Variants in PUDP observed in about 807,000 individuals in gnomAD.
The protein encoded by PUDP is pseudouridine 5'-phosphatase, also known as pseudouridine-5'-phosphatase.
Under a neutral mutation model 9.4 loss-of-function variants are expected in PUDP, and 8 were observed. The ratio of observed to expected loss-of-function variants is 0.85; its 90% confidence interval spans 0.50 to 1.53. The LOEUF (loss-of-function observed/expected upper bound fraction) is 1.53, where lower values mean the gene tolerates loss of function less well. Among genes scored for constraint, PUDP ranks in the 40% most tolerant of loss-of-function variants. PUDP has a pLI of 0.00. For synonymous variants in PUDP, 99 were observed against 80.7 expected (o/e 1.23, Z -1.22); for missense variants, 188 against 189.7 (o/e 0.99, Z 0.05).
At chrX:6,919,842 G>T in intron 3 of PUDP, among the ~76,000 whole-genome samples, 1 of 56,249 alleles carries the variant, frequency 1.8e-5, no homozygotes, top group East Asian at 6.5e-4. Context: ...CTGGGTGACA[G>T]AGCAAGACTC....
At chrX:6,852,842 G>A (rs752215373) in intron 3 of PUDP, among the ~76,000 whole-genome samples, 3 of 111,430 alleles carry the variant, frequency 2.7e-5, no homozygotes, top group Non-Finnish European at 3.8e-5. Context: ...TGAGGAGCAT[G>A]GATACAAAGG....
chrX:7,114,845 TATG>T (rs1932153507), intron 1 of PUDP, among the ~76,000 whole-genome samples: 1 of 112,731 alleles, frequency 8.9e-6, no homozygotes, highest in African/African-American at 3.2e-5. Flanking sequence ...ATAAACAATC[TATG>T]ATGATATTCA....
At chrX:6,736,101 C>T (rs761589103) in intron 3 of PUDP, among the ~76,000 whole-genome samples, 13 of 108,751 alleles carry the variant, frequency 1.2e-4, no homozygotes, top group East Asian at 2.9e-4. Context: ...AAACCAATAA[C>T]GACACACTTC....
intron 3 of PUDP, among the ~76,000 whole-genome samples, chrX:6,974,517 T>G (rs1204186685): frequency 8.9e-6 from 1 of 112,160 alleles, no homozygotes; most frequent in Non-Finnish European, 1.9e-5. Flanking sequence ...ATTCTTTTCT[T>G]TAAGAATGTT....
chrX:6,909,390 C>T (rs972288583), intron 3 of PUDP, among the ~76,000 whole-genome samples: 7 of 112,018 alleles, frequency 6.2e-5, no homozygotes, highest in South Asian at 7.5e-4. Flanking sequence ...AAACAGCCAT[C>T]GCCCAAGATC....
intron 3 of PUDP, among the ~76,000 whole-genome samples, chrX:6,930,931 C>CA (rs980454139): frequency 9.9e-6 from 1 of 101,053 alleles, no homozygotes; most frequent in African/African-American, 3.7e-5. Context: ...ATTTGAATGT[C>CA]AAAAAAAGTG....
chrX:6,802,492 C>G (rs141228957), intron 3 of PUDP, among the ~76,000 whole-genome samples: 2,293 of 111,674 alleles, frequency 0.021, 57 homozygotes, highest in African/African-American at 0.071. Flanking sequence ...TTGGCTCTAG[C>G]CTCTAAGCTG....
intron 3 of PUDP, among the ~76,000 whole-genome samples, chrX:6,792,125 C>T (rs947876862): frequency 3.6e-5 from 4 of 110,596 alleles, no homozygotes; most frequent in African/African-American, 9.9e-5. Context: ...GAAAGGTATA[C>T]GTGGGTCTAA....
chrX:7,062,299 C>T (rs904280382), intron 3 of PUDP, among the ~76,000 whole-genome samples: 7 of 111,567 alleles, frequency 6.3e-5, no homozygotes, highest in South Asian at 3.8e-4. Flanking sequence ...GTGGGGAGCC[C>T]TGTTTGAGGC....
Position 6,735,055 on chromosome X carries a change from A to C in PUDP, c.*248-28589T>G, listed in dbSNP as rs752265292. On this transcript the variant is annotated intron_variant and NMD_transcript_variant, in intron 3 of 3. Transcript: ENST00000655425. Reference sequence around the variant, plus strand: ...TGCTCCCAACCACAATCTGTTCTACATCAAAATAATTCATTTAACCTCTTG... The same window carrying C: ...TGCTCCCAACCACAATCTGTTCTACCTCAAAATAATTCATTTAACCTCTTG... 4.5e-5 allele frequency among the ~76,000 whole-genome samples: 5 copies of C among 112,138 alleles called. No homozygotes were observed. In the South Asian group the frequency reaches 1.1e-3, roughly 25 times the overall value.
At chrX:7,091,590 C>T (rs969467127) in intron 2 of PUDP, among the ~76,000 whole-genome samples, 25 of 108,404 alleles carry the variant, frequency 2.3e-4, no homozygotes, top group Non-Finnish European at 4.3e-4. Flanking sequence ...ATCCACCTGC[C>T]TTGGCCTCCC....
chrX:6,888,890 G>A (rs1927471511), intron 3 of PUDP, among the ~76,000 whole-genome samples: 1 of 111,263 alleles, frequency 9.0e-6, no homozygotes, highest in African/African-American at 3.3e-5. Context: ...ATCATTTCCC[G>A]GCCAGATCGC....
chrX:6,942,434 T>G (rs1928412632), intron 3 of PUDP, among the ~76,000 whole-genome samples: 1 of 111,798 alleles, frequency 8.9e-6, no homozygotes, highest in South Asian at 3.8e-4. Context: ...TTACGTAATC[T>G]GAGACCTATC....
At chrX:7,102,613 T>C (rs1195889721) in intron 2 of PUDP, among the ~76,000 whole-genome samples, 1 of 109,206 alleles carries the variant, frequency 9.2e-6, no homozygotes, top group Non-Finnish European at 1.9e-5. Context: ...ACAAAAGGCA[T>C]CCAAACTGGA....
intron 3 of PUDP, among the ~76,000 whole-genome samples, chrX:6,943,131 A>G (rs909170552): frequency 1.8e-5 from 2 of 111,791 alleles, no homozygotes; most frequent in Non-Finnish European, 3.8e-5. Context: ...GTGCCTCAGA[A>G]CTATGATGTA....
chrX:6,807,262 G>T (rs1337549662), intron 3 of PUDP, among the ~76,000 whole-genome samples: 2 of 112,088 alleles, frequency 1.8e-5, no homozygotes, highest in African/African-American at 6.5e-5. Context: ...CACAGGTGGA[G>T]TAATCCGATA....
At chrX:6,969,839 A>T (rs1928843712) in intron 3 of PUDP, among the ~76,000 whole-genome samples, 1 of 112,201 alleles carries the variant, frequency 8.9e-6, no homozygotes, top group African/African-American at 3.2e-5. Flanking sequence ...CTATGATTGC[A>T]CCACTGCACT....
At position 7,077,337 on chromosome X, in the gene PUDP, G is replaced by A. The variant is rs750082021; in HGVS notation, c.393C>T (p.Phe131=). 3 of 1,211,376 alleles carry A rather than the reference G, an allele frequency of 2.5e-6. No individual in the cohort carries two copies. The South Asian group carries it at 5.3e-5, about 21-fold the overall frequency. The change falls in exon 3 of 4, where the codon TTC becomes TTT. Residue 131 remains phenylalanine (F), a synonymous_variant. Transcript: ENST00000381077. ...CCAGCACAATGTGGGAAAACAAGCT[G>A]AAGAACTCCTTGTGGCGGCTTGTCT... is the stretch of plus-strand genomic sequence containing the variant. The part of the protein sequence containing the change: ...DMKTSRHKEF[F]SLFSHIVLGD...
At chrX:7,043,825 T>A (rs1312628327) in intron 1 of PUDP, among the ~76,000 whole-genome samples, 1 of 111,132 alleles carries the variant, frequency 9.0e-6, no homozygotes, top group Non-Finnish European at 1.9e-5. Flanking sequence ...TCAAAAACAG[T>A]GTGAGGGAGG....
Sources: allele counts gnomAD v4.1 joint callset (sites outside exome capture counted in the v4.1 genomes callset), GRCh38; gene constraint gnomAD v4.1.1; transcripts MANE v1.5; gene names NCBI Gene and HGNC (gene_info 2026-07-23, HGNC 2026-07-21).